GAS2L2: variants seen among roughly 807,000 people sequenced by gnomAD.
GAS2L2 encodes GAS2-like protein 2.
In GAS2L2, 21 loss-of-function variants were observed where a neutral mutation model predicts 35.2. The observed-to-expected ratio is 0.60, with a 90% confidence interval of 0.42 to 0.86. The LOEUF is 0.86. Among genes scored for constraint, GAS2L2 ranks in the 40% least tolerant of loss-of-function variants. The pLI is 0.00. For synonymous variants in GAS2L2, 490 were observed against 473.2 expected (o/e 1.04, Z -0.46); for missense variants, 1,169 against 1,144.4 (o/e 1.02, Z -0.31).
chr17:35,747,734 CT>C, intron 4 of GAS2L2, 114 bp downstream of exon 4: 1 of 818,720 alleles, frequency 1.2e-6, no homozygotes, highest in South Asian at 1.6e-5. Context: ...ACCTCCCCAC[CT>C]ACCGCTCCCC....
intron 1 of GAS2L2, among the ~76,000 whole-genome samples, chr17:35,751,204 T>C (rs1382671034): frequency 6.6e-6 from 1 of 152,062 alleles, no homozygotes; most frequent in African/African-American, 2.4e-5. Context: ...ATGGAGCCCC[T>C]CCCTGGCGTC....
chr17:35,746,220 T>C lies in GAS2L2; in HGVS notation c.1277A>G (p.Asp426Gly), dbSNP rs782745076. Residue 426 changes from aspartate to glycine, a missense_variant, in exon 6 of 6, where the codon GAC (aspartate) becomes GGC (glycine). Asp to Gly is a moderately conservative substitution (Grantham distance 94). Coordinates refer to ENST00000604641, the MANE Select transcript of GAS2L2 (RefSeq NM_139285.4). ...GTTCCCGGCGTCGGTTCCCCAGCTG[T>C]CTGTTTCTTCATGAACCCAAGATGT... ...IPTSWVHEETDSWGTDAGNPT... is the reference protein window; with the variant it reads ...IPTSWVHEETGSWGTDAGNPT... 6.8e-6 allele frequency: 10 copies of C among 1,480,094 alleles called. No individual in the cohort carries two copies. In the South Asian group the frequency reaches 1.4e-4, roughly 21 times the overall value. 91.7% of individuals were successfully genotyped at this position (1,480,094 alleles called of 1,614,324 possible). A position where few individuals can be genotyped will look rare whatever the true frequency, so the allele number is the denominator to read the frequency against.
In GAS2L2 at chr17:35,744,825, T is replaced by G; in HGVS notation, c.*29A>C. The G allele has an allele frequency of 6.6e-7, 1 of 1,512,884 alleles. No homozygotes were observed. Among genetic ancestry groups the G allele is most frequent in the Non-Finnish European group, 8.9e-7 (1 of 1,117,686 alleles). The allele number at this position is 1,512,884 out of a possible 1,614,324, so 93.7% of individuals were successfully genotyped here. ...GTGTATACATGGCCATCCTTTTTGCTTCCCTCCTACCCAACACGCTCATGT... is the reference window on the plus strand; with the variant it reads ...GTGTATACATGGCCATCCTTTTTGCGTCCCTCCTACCCAACACGCTCATGT... On this transcript the variant is annotated 3_prime_UTR_variant, in exon 6 of 6. Transcript: ENST00000604641.
intron 5 of GAS2L2, 92 bp downstream of exon 5, chr17:35,746,924 G>A (rs1412326432): frequency 7.3e-5 from 98 of 1,333,630 alleles, no homozygotes; most frequent in African/African-American, 1.2e-4. Context: ...AGGCACTGCC[G>A]AGGATCTGCT....
At position 35,745,587 on chromosome 17, in the gene GAS2L2, A is replaced by G; in HGVS notation, c.1910T>C (p.Ile637Thr). 2 of 1,613,750 alleles carry G rather than the reference A, an allele frequency of 1.2e-6. No individual in the cohort carries two copies. Among genetic ancestry groups the G allele is most frequent in the Non-Finnish European group, 1.7e-6 (2 of 1,180,008 alleles). Reference sequence around the variant, plus strand: ...AGGCCACTGCCCAGCCAGCCTGGGGATGTAGACCCCACTGCGAGGGATGAC... The same window carrying G: ...AGGCCACTGCCCAGCCAGCCTGGGGGTGTAGACCCCACTGCGAGGGATGAC... ...SGVIPRSGVY[I>T]PRLAGQWPEP... The change falls in exon 6 of 6, where the codon ATC (isoleucine) becomes ACC (threonine). Residue 637 changes from isoleucine (I) to threonine (T), a missense_variant. Coordinates refer to ENST00000604641, the MANE Select transcript of GAS2L2 (RefSeq NM_139285.4).
Position 35,744,679 on chromosome 17 carries a change from T to C in GAS2L2, c.*175A>G, listed in dbSNP as rs2085651467. On this transcript the variant is annotated 3_prime_UTR_variant, in exon 6 of 6. Transcript: ENST00000604641. ...ACCTCTGGAGTTGGAGTGAGAGCAGTGGGTTGCCCCTTTGCTCAGATGAGC... is the reference window on the plus strand; with the variant it reads ...ACCTCTGGAGTTGGAGTGAGAGCAGCGGGTTGCCCCTTTGCTCAGATGAGC... The C allele has an allele frequency of 2.6e-5, 16 of 605,042 alleles. No individual in the cohort carries two copies. The South Asian group carries it at 3.4e-4, about 13-fold the overall frequency. 37.5% of individuals were successfully genotyped at this position (605,042 alleles called of 1,614,324 possible).
At chr17:35,747,651 C>T (rs1361795421) in intron 4 of GAS2L2, among the ~76,000 whole-genome samples, 198 bp downstream of exon 4, 2 of 152,114 alleles carry the variant, frequency 1.3e-5, no homozygotes, top group South Asian at 2.1e-4. Context: ...GCGTGTGTTG[C>T]CCGCCATCTT....
rs1555598912 is a variant in GAS2L2, at chr17:35,746,031, T to A, written c.1466A>T (p.Glu489Val). Residue 489 changes from glutamate to valine, a missense_variant, in exon 6 of 6, where the codon GAG (glutamate) becomes GTG (valine). Physicochemically the swap from Glu to Val is moderately radical, Grantham distance 121. This residue lies in a region of GAS2L2 where 1,035 missense variants were observed against 976.5 expected (regional missense o/e 1.06). Transcript: ENST00000604641. ...GACAGGGGTTGGAGAACGGACAGAC[T>A]CTGGCTCCCTGAACTGGAAGAACGC... ...KGAFFQFREP[E>V]SVRSPTPVQG... is the part of the protein sequence containing the mutation. 6.5e-7 allele frequency: 1 copy of A among 1,549,052 alleles called. No individual in the cohort carries two copies. Among genetic ancestry groups the A allele is most frequent in the East Asian group, 2.3e-5 (1 of 44,258 alleles).
At chr17:35,752,433 T>A in intron 1 of GAS2L2, 33 bp downstream of exon 1, 8 of 1,536,160 alleles carry the variant, frequency 5.2e-6, no homozygotes, top group Non-Finnish European at 7.0e-6. Context: ...AAGATAAGCA[T>A]CTGGAATGGG....
chr17:35,749,876 A>G lies in GAS2L2; in HGVS notation c.627+201T>C, dbSNP rs587677679. 2.6e-5 allele frequency among the ~76,000 whole-genome samples: 4 copies of G among 152,334 alleles called. No homozygotes were observed. In the East Asian group the frequency reaches 7.7e-4, roughly 29 times the overall value. On this transcript the variant is annotated intron_variant, in intron 2 of 5. Transcript: ENST00000604641. ...GGTTGGTAAGAACGCCTGAGAAATG[A>G]CATGGCCATTAATTACTACGCGTGG...
intron 3 of GAS2L2, among the ~76,000 whole-genome samples, chr17:35,748,852 A>T (rs1439452418): frequency 6.6e-6 from 1 of 152,036 alleles, no homozygotes; most frequent in Non-Finnish European, 1.5e-5. Flanking sequence ...TGGGAGGAGG[A>T]GATAGGCTTG....
chr17:35,752,999 C>T lies in GAS2L2; in HGVS notation c.-149G>A, dbSNP rs1429369752. On this transcript the variant is annotated 5_prime_UTR_variant, in exon 1 of 6. Coordinates refer to ENST00000604641, the MANE Select transcript of GAS2L2 (RefSeq NM_139285.4). ...GAGCCCGGGACCTCCAGTGCTGCTA[C>T]TTGCCACTGGCTTCAGCTGCCAGGC... The T allele has an allele frequency of 2.4e-6, 2 of 816,850 alleles. No individual in the cohort carries two copies. The highest frequency in any genetic ancestry group is 3.5e-5 in the African/African-American group (2 of 57,948). 50.6% of individuals were successfully genotyped at this position (816,850 alleles called of 1,614,324 possible).
intron 1 of GAS2L2, among the ~76,000 whole-genome samples, chr17:35,751,154 C>A (rs2085700960): frequency 6.6e-6 from 1 of 152,092 alleles, no homozygotes; most frequent in South Asian, 2.1e-4. Flanking sequence ...GATGAAGGAT[C>A]CTGACATGTC....
chr17:35,746,037 T>C lies in GAS2L2; in HGVS notation c.1460A>G (p.Glu487Gly), dbSNP rs2085665399. The C allele has an allele frequency of 1.3e-6, 2 of 1,544,498 alleles. No homozygotes were observed. The highest frequency in any genetic ancestry group is 1.7e-6 in the Non-Finnish European group (2 of 1,144,274). Residue 487 changes from glutamate to glycine, a missense_variant, in exon 6 of 6, where the codon GAG becomes GGG. Physicochemically the swap from Glu to Gly is moderately conservative, Grantham distance 98 (BLOSUM62 -2). This residue lies in a region of GAS2L2 where 1,035 missense variants were observed against 976.5 expected (regional missense o/e 1.06). Coordinates refer to ENST00000604641, the MANE Select transcript of GAS2L2 (RefSeq NM_139285.4). ...GGTTGGAGAACGGACAGACTCTGGC[T>C]CCCTGAACTGGAAGAACGCACCCTT... ...EAKGAFFQFR[E>G]PESVRSPTPV...
intron 1 of GAS2L2, among the ~76,000 whole-genome samples, chr17:35,751,945 C>G (rs1257000412): frequency 6.7e-6 from 1 of 149,116 alleles, no homozygotes; most frequent in Non-Finnish European, 1.5e-5. Context: ...CAACCTCTGC[C>G]TCCTGGGTTC....
At position 35,750,148 on chromosome 17, in the gene GAS2L2, G is replaced by T; in HGVS notation, c.556C>A (p.Pro186Thr). 1 of 1,609,414 alleles carries T rather than the reference G, an allele frequency of 6.2e-7. No homozygotes were observed. The highest frequency in any genetic ancestry group is 8.5e-7 in the Non-Finnish European group (1 of 1,178,168). The change falls in exon 2 of 6, where the codon CCC becomes ACC. Residue 186 changes from proline to threonine, a missense_variant. Around this residue, in one of 3 missense-constraint regions of GAS2L2, gnomAD observed 1,035 missense variants for 976.5 expected, o/e 1.06. Coordinates refer to ENST00000604641, the MANE Select transcript of GAS2L2 (RefSeq NM_139285.4). ...GCTGGCGGCGAGGGGTCGGGCGGGG[G>T]CAGGGCCAGCTCCCGCCGCACCTCC... ...EEEVRRELAL[P>T]PPDPSPPAPP...
Position 35,745,893 on chromosome 17 carries a change from G to T in GAS2L2, c.1604C>A (p.Pro535His), listed in dbSNP as rs782657129. The T allele has an allele frequency of 7.9e-5, 128 of 1,613,242 alleles. No individual in the cohort carries two copies. The highest frequency in any genetic ancestry group is 1.1e-4 in the Non-Finnish European group (125 of 1,180,036). Residue 535 changes from proline (P) to histidine (H), a missense_variant, in exon 6 of 6, where the codon CCC becomes CAC. Physicochemically the swap from Pro to His is moderately conservative, Grantham distance 77 (BLOSUM62 -2). Transcript: ENST00000604641. The stretch of plus-strand genomic sequence containing the variant: ...CACAGTGACGGCCCTTAGTGGGATG[G>T]GGTCTCTCCCAAGTTCTGTCCTGGG... ...GSPRTELGRD[P>H]IPLRAVTVDL...
Sources: gnomAD v4.1 joint callset for allele counts (sites outside exome capture counted in the v4.1 genomes callset) on GRCh38, gnomAD v4.1.1 for gene constraint, gnomAD v4.1.1 regional missense constraint, MANE v1.5 for transcripts, NCBI Gene and HGNC (gene_info 2026-07-23, HGNC 2026-07-21) for gene names.